RBFOX1: variants seen among roughly 807,000 people sequenced by gnomAD.
The protein encoded by RBFOX1 is RNA binding protein fox-1 homolog 1.
Under a neutral mutation model 57.7 loss-of-function variants are expected in RBFOX1, and 8 were observed. That is an observed-to-expected ratio of 0.14 (90% CI 0.08 to 0.25). The LOEUF (loss-of-function observed/expected upper bound fraction) is 0.25, where lower values mean the gene tolerates loss of function less well. Ranked by LOEUF, RBFOX1 falls within the 10% of genes least tolerant of loss-of-function variation. The probability of loss-of-function intolerance (pLI) is 1.00; values close to 1 mark genes in which losing one functional copy is unlikely to be tolerated. For synonymous variants in RBFOX1, 326 were observed against 222.4 expected, an observed-to-expected ratio of 1.47 and a Z score of -4.15; for missense variants, 611 against 548.5, an observed-to-expected ratio of 1.11 and a Z score of -1.14.
chr16:5,339,759 AG>A (rs1160768331), intron 1 of RBFOX1, among the ~76,000 whole-genome samples: 2 of 152,032 alleles, frequency 1.3e-5, no homozygotes, highest in African/African-American at 4.8e-5. Flanking sequence ...GGATCGAGCA[AG>A]TGGGTCAGGG....
Position 6,927,956 on chromosome 16 carries a change from T to C in RBFOX1, c.-15-124101T>C, listed in dbSNP as rs531374546. Among the ~76,000 whole-genome samples, 3 of 152,304 alleles carry C rather than the reference T, an allele frequency of 2.0e-5. No individual in the cohort carries two copies. The East Asian group carries it at 5.8e-4, about 29-fold the overall frequency. On this transcript the variant is annotated intron_variant, in intron 3 of 15. Coordinates refer to ENST00000550418, the MANE Select transcript of RBFOX1 (RefSeq NM_018723.4). ...GCATTGGTCATAATCTTGAAGGTAG[T>C]TGCATCTCCGTAAAGTTTCCCATTG...
intron 2 of RBFOX1, among the ~76,000 whole-genome samples, chr16:6,510,385 GAT>G (rs2096229360): frequency 6.6e-6 from 1 of 152,088 alleles, no homozygotes; most frequent in South Asian, 2.1e-4. Context: ...CCAGTTTCCC[GAT>G]GCCGTTCTGC....
chr16:6,890,887 G>C (rs1324173011), intron 3 of RBFOX1, among the ~76,000 whole-genome samples: 1 of 152,188 alleles, frequency 6.6e-6, no homozygotes, highest in Non-Finnish European at 1.5e-5. Context: ...GATGAAGTCA[G>C]GGGTATGAAG....
chr16:7,512,078 GCT>G (rs201723652), intron 4 of RBFOX1, among the ~76,000 whole-genome samples: 8,682 of 152,226 alleles, frequency 0.057, 286 homozygotes, highest in East Asian at 0.12. Flanking sequence ...GATATCAGAA[GCT>G]CTCTCTGATC....
intron 3 of RBFOX1, among the ~76,000 whole-genome samples, chr16:6,754,951 G>A (rs918990944): frequency 5.3e-5 from 8 of 151,904 alleles, no homozygotes; most frequent in South Asian, 4.2e-4. Context: ...GAGAATATGC[G>A]GTGTTTGGTT....
chr16:7,691,559 A>G (rs1036354152), intron 14 of RBFOX1, among the ~76,000 whole-genome samples: 9 of 152,172 alleles, frequency 5.9e-5, no homozygotes, highest in African/African-American at 2.2e-4. Context: ...GGACACCATC[A>G]TACTATAAAA....
chr16:7,677,188 T>G (rs79768854), intron 14 of RBFOX1, among the ~76,000 whole-genome samples: 15,473 of 122,152 alleles, frequency 0.13, 940 homozygotes, highest in Middle Eastern at 0.22. Flanking sequence ...GTCTTCCACA[T>G]AAGACCACGG....
chr16:7,360,855 C>G (rs746826583), intron 4 of RBFOX1, among the ~76,000 whole-genome samples: 1 of 152,196 alleles, frequency 6.6e-6, no homozygotes, highest in Non-Finnish European at 1.5e-5. Context: ...CAGAGATTTC[C>G]CAGGTCACCT....
At chr16:7,545,562 G>C (rs1359627750) in intron 5 of RBFOX1, among the ~76,000 whole-genome samples, 1 of 152,144 alleles carries the variant, frequency 6.6e-6, no homozygotes, top group Non-Finnish European at 1.5e-5. Context: ...TTAGAGCTTA[G>C]GTAGAATGCT....
chr16:7,664,861 G>A, intron 12 of RBFOX1, 68 bp from the exon 13 acceptor site: 5 of 1,613,562 alleles, frequency 3.1e-6, no homozygotes, highest in Non-Finnish European at 4.2e-6. Flanking sequence ...CGCCAGTGCA[G>A]GGGTTGGTGT....
At position 6,501,354 on chromosome 16, in the gene RBFOX1, C is replaced by T. The variant is rs1433148913; in HGVS notation, c.-63-153249C>T. Among the ~76,000 whole-genome samples the T allele has an allele frequency of 9.9e-5, 14 of 141,544 alleles. 1 individual carries two copies. The South Asian group carries it at 2.3e-3, about 24-fold the overall frequency. The allele number at this position is 141,544 out of a possible 152,430, so 92.9% of individuals were successfully genotyped here. ...CCCTTCCTGTGTCCATGTGTTCTCA[C>T]TGTTCAATTCCCACCTATGAGTGAG... On this transcript the variant is annotated intron_variant, in intron 2 of 15. Transcript: ENST00000550418.
chr16:6,811,917 A>T (rs1216549631), intron 3 of RBFOX1, among the ~76,000 whole-genome samples: 1 of 152,140 alleles, frequency 6.6e-6, no homozygotes, highest in Non-Finnish European at 1.5e-5. Flanking sequence ...AATACAAAAT[A>T]TAAGGCACAG....
intron 1 of RBFOX1, among the ~76,000 whole-genome samples, chr16:6,124,408 T>C (rs2096573809): frequency 6.6e-6 from 1 of 152,192 alleles, no homozygotes; most frequent in Non-Finnish European, 1.5e-5. Context: ...TATTGTAATG[T>C]AAATGAGCCT....
At chr16:7,671,578 G>A in intron 13 of RBFOX1, 3 of 1,612,000 alleles carry the variant, frequency 1.9e-6, no homozygotes, top group Middle Eastern at 1.7e-4. Flanking sequence ...AAGAGCCTGT[G>A]TATGGCAATA....
At chr16:7,561,618 C>G (rs940075794) in intron 5 of RBFOX1, among the ~76,000 whole-genome samples, 11 of 152,164 alleles carry the variant, frequency 7.2e-5, no homozygotes, top group African/African-American at 2.7e-4. Context: ...CATGTCTCAG[C>G]ATATCCTGGA....
At chr16:6,058,437 T>C (rs1034946164) in intron 1 of RBFOX1, among the ~76,000 whole-genome samples, 2 of 152,188 alleles carry the variant, frequency 1.3e-5, no homozygotes, top group Non-Finnish European at 2.9e-5. Context: ...ACCGTGTCAT[T>C]GTTTATGCTG....
intron 3 of RBFOX1, among the ~76,000 whole-genome samples, chr16:6,948,058 C>T (rs73543296): frequency 0.073 from 11,059 of 152,212 alleles, 465 homozygotes; most frequent in Middle Eastern, 0.092. Flanking sequence ...GGATTACAAG[C>T]ATCAGCCACC....
intron 2 of RBFOX1, among the ~76,000 whole-genome samples, chr16:6,321,679 G>A (rs1567932833): frequency 1.3e-5 from 2 of 152,180 alleles, no homozygotes. Context: ...TATAATAATG[G>A]TCGGGCAGAT....
chr16:7,523,119 C>G (rs560987520), intron 5 of RBFOX1, among the ~76,000 whole-genome samples: 18 of 152,292 alleles, frequency 1.2e-4, no homozygotes, highest in Admixed American at 1.2e-3. Flanking sequence ...GCTTCTTTTA[C>G]TCAGTATCAT....
Sources: gnomAD v4.1 joint callset for allele counts (sites outside exome capture counted in the v4.1 genomes callset) on GRCh38, gnomAD v4.1.1 for gene constraint, MANE v1.5 for transcripts, NCBI Gene and HGNC (gene_info 2026-07-23, HGNC 2026-07-21) for gene names.